The following NUP155 variants were observed in gnomAD, a reference collection of about 807,000 sequenced individuals.
NUP155 encodes nuclear pore complex protein Nup155.
NUP155 carries 71 observed loss-of-function variants against 180.4 expected under a neutral mutation model. That is an observed-to-expected ratio of 0.39 (90% confidence interval 0.33 to 0.48). NUP155 has a LOEUF of 0.48. Among genes scored for constraint, NUP155 ranks in the 20% least tolerant of loss-of-function variants. The pLI, the probability that NUP155 is intolerant of heterozygous loss-of-function variation, is 0.91. For synonymous variants in NUP155, 582 were observed against 559.5 expected, an observed-to-expected ratio of 1.04 and a Z score of -0.57; for missense variants, 1,553 against 1,648.9, an observed-to-expected ratio of 0.94 and a Z score of 1.01.
At chr5:37,313,380 G>A (rs1158608535) in intron 22 of NUP155, among the ~76,000 whole-genome samples, 5 of 151,442 alleles carry the variant, frequency 3.3e-5, no homozygotes, top group Admixed American at 6.6e-5. Context: ...GCAGCGAGCC[G>A]AGATTGCACA....
At position 37,371,076 on chromosome 5, in the gene NUP155, G is replaced by T. The variant is rs1338676394; in HGVS notation, c.-99C>A. ...AGCTTAGATCCGCCGCCTAGGGCGC[G>T]CGCGCCAAACGAGCGCCTTGGCGCC... On this transcript the variant is annotated 5_prime_UTR_variant, in exon 1 of 35. Transcript: ENST00000231498. 17 of 1,340,736 alleles carry T rather than the reference G, an allele frequency of 1.3e-5. No homozygotes were observed. The highest frequency in any genetic ancestry group is 2.4e-5 in the East Asian group (1 of 42,466). The allele number at this position is 1,340,736 out of a possible 1,614,324, so 83.1% of individuals were successfully genotyped here.
chr5:37,348,058 C>T (rs1046387155), intron 9 of NUP155, among the ~76,000 whole-genome samples: 40 of 152,236 alleles, frequency 2.6e-4, no homozygotes, highest in African/African-American at 7.5e-4. Flanking sequence ...CGCTTGAACG[C>T]GCGAGGCAGA....
intron 23 of NUP155, among the ~76,000 whole-genome samples, chr5:37,309,829 C>G (rs915404470): frequency 6.6e-6 from 1 of 151,302 alleles, no homozygotes; most frequent in Non-Finnish European, 1.5e-5. Flanking sequence ...CTGAGGCAGG[C>G]GGAGGTCAGG....
At chr5:37,295,070 CCT>C (rs1189358689) in intron 32 of NUP155, among the ~76,000 whole-genome samples, 1 of 152,276 alleles carries the variant, frequency 6.6e-6, no homozygotes, top group Non-Finnish European at 1.5e-5. Flanking sequence ...GTCCCTCTCC[CCT>C]CTTTCCAAGG....
At chr5:37,367,834 A>T (rs1021454147) in intron 1 of NUP155, among the ~76,000 whole-genome samples, 1 of 152,030 alleles carries the variant, frequency 6.6e-6, no homozygotes, top group African/African-American at 2.4e-5. Flanking sequence ...CCCTGGCTGG[A>T]GTACAGTGGC....
chr5:37,353,263 TAC>T lies in NUP155; in HGVS notation c.464-436_464-435del, dbSNP rs535855129. ...TTAAAAAAAATGACATATATATATATACACACACACACACAAAATGGAATACT... is the reference window on the plus strand; with the variant it reads ...TTAAAAAAAATGACATATATATATATACACACACACACAAAATGGAATACT... On this transcript the variant is annotated intron_variant, in intron 4 of 34. Transcript: ENST00000231498. Among the ~76,000 whole-genome samples, 1,018 of 151,492 alleles carry T rather than the reference TAC, an allele frequency of 6.7e-3. 8 individuals carry two copies. Among genetic ancestry groups the T allele is most frequent in the South Asian group, 0.027 (131 of 4,792 alleles).
At chr5:37,311,366 A>G (rs1425976902) in intron 22 of NUP155, among the ~76,000 whole-genome samples, 1 of 152,220 alleles carries the variant, frequency 6.6e-6, no homozygotes, top group African/African-American at 2.4e-5. Context: ...TCACAAAAAC[A>G]TACCCAGGAT....
At chr5:37,319,593 G>A (rs1001882503) in intron 20 of NUP155, among the ~76,000 whole-genome samples, 2 of 152,112 alleles carry the variant, frequency 1.3e-5, no homozygotes, top group East Asian at 1.9e-4. Flanking sequence ...GGCTGAGTGC[G>A]GATGGCTCAT....
At position 37,331,697 on chromosome 5, in the gene NUP155, A is replaced by T; in HGVS notation, c.1617T>A (p.Phe539Leu). ...TATATATAATTACCTGATGTAATTTAAAGAATCTTTCAATCTCTTCTCCAT... is the reference window on the plus strand; with the variant it reads ...TATATATAATTACCTGATGTAATTTTAAGAATCTTTCAATCTCTTCTCCAT... ...GGDGEEIERF[F>L]KLHQEDQACA... The change falls in exon 14 of 35, where the codon TTT becomes TTA. Residue 539 changes from phenylalanine (F) to leucine (L), a missense_variant. Coordinates refer to ENST00000231498, the MANE Select transcript of NUP155 (RefSeq NM_153485.3). 1 of 1,586,352 alleles carries T rather than the reference A, an allele frequency of 6.3e-7. No homozygotes were observed. The highest frequency in any genetic ancestry group is 8.6e-7 in the Non-Finnish European group (1 of 1,157,518).
At chr5:37,366,752 G>C (rs1346391038) in intron 1 of NUP155, among the ~76,000 whole-genome samples, 1 of 151,790 alleles carries the variant, frequency 6.6e-6, no homozygotes, top group African/African-American at 2.4e-5. Context: ...CCTGGGTTCA[G>C]GCCATTCTTC....
At chr5:37,356,004 C>T (rs1019104029) in intron 4 of NUP155, among the ~76,000 whole-genome samples, 4 of 151,630 alleles carry the variant, frequency 2.6e-5, no homozygotes, top group South Asian at 4.2e-4. Context: ...CCGAGGTGGG[C>T]GGATCACCTG....
chr5:37,323,923 T>C (rs1418391486), intron 20 of NUP155, 69 bp downstream of exon 20: 5 of 1,089,886 alleles, frequency 4.6e-6, no homozygotes, highest in South Asian at 3.9e-5. Context: ...CTTTGTAGTA[T>C]GTAAATCATC....
chr5:37,337,463 T>A (rs1002692430), intron 12 of NUP155, among the ~76,000 whole-genome samples: 4 of 151,794 alleles, frequency 2.6e-5, no homozygotes. Flanking sequence ...CATATTTAAA[T>A]AACTAAACGA....
intron 20 of NUP155, among the ~76,000 whole-genome samples, chr5:37,320,838 G>C (rs942833187): frequency 9.9e-5 from 15 of 152,134 alleles, no homozygotes; most frequent in African/African-American, 3.6e-4. Context: ...TAGAAGGCAA[G>C]GAAACAAAAT....
intron 32 of NUP155, among the ~76,000 whole-genome samples, chr5:37,297,678 C>T (rs996696566): frequency 5.3e-5 from 8 of 152,030 alleles, no homozygotes; most frequent in African/African-American, 1.9e-4. Context: ...CCATGCCCAG[C>T]CATGGTGCAG....
At chr5:37,312,222 C>T (rs1423385339) in intron 22 of NUP155, among the ~76,000 whole-genome samples, 1 of 152,078 alleles carries the variant, frequency 6.6e-6, no homozygotes, top group Non-Finnish European at 1.5e-5. Context: ...CCTTTTGTAT[C>T]TTCTAACAGT....
At chr5:37,344,421 G>A (rs1488269776) in intron 9 of NUP155, among the ~76,000 whole-genome samples, 1 of 142,994 alleles carries the variant, frequency 7.0e-6, no homozygotes, top group Non-Finnish European at 1.5e-5. Flanking sequence ...ATATTACTCA[G>A]AATCTAATTA....
intron 6 of NUP155, among the ~76,000 whole-genome samples, chr5:37,350,941 G>C (rs1241736505): frequency 6.6e-6 from 1 of 151,184 alleles, no homozygotes; most frequent in African/African-American, 2.4e-5. Context: ...CATATGCATA[G>C]ATATCTATAG....
chr5:37,332,489 A>AT (rs1335026317), intron 13 of NUP155, among the ~76,000 whole-genome samples: 1 of 151,676 alleles, frequency 6.6e-6, no homozygotes, highest in East Asian at 1.9e-4. Flanking sequence ...GCCCGGCTAA[A>AT]TTTTTTTATA....
Sources: allele counts gnomAD v4.1 joint callset (sites outside exome capture counted in the v4.1 genomes callset), GRCh38; gene constraint gnomAD v4.1.1; transcripts MANE v1.5; gene names NCBI Gene and HGNC (gene_info 2026-07-23, HGNC 2026-07-21).